Variants in MAP2 observed in about 807,000 individuals in gnomAD.
The protein encoded by MAP2 is microtubule associated protein 2.
In MAP2, 14 loss-of-function variants were observed where a neutral mutation model predicts 137.6. The observed-to-expected ratio is 0.10, with a 90% confidence interval of 0.07 to 0.16. MAP2 has a LOEUF of 0.16. MAP2 is among the 10% of genes least tolerant of loss of function. The probability of loss-of-function intolerance (pLI) is 1.00; values close to 1 mark genes in which losing one functional copy is unlikely to be tolerated. For synonymous variants in MAP2, 786 were observed against 782.3 expected (o/e 1.00, Z -0.08); for missense variants, 2,088 against 2,191.5 (o/e 0.95, Z 0.94).
chr2:209,661,961 G>A (rs1347205142), intron 5 of MAP2, among the ~76,000 whole-genome samples: 1 of 152,154 alleles, frequency 6.6e-6, no homozygotes, highest in African/African-American at 2.4e-5. Flanking sequence ...TCATTGTACA[G>A]CTATAAGGTA....
chr2:209,529,718 A>G (rs1389631391), intron 2 of MAP2, among the ~76,000 whole-genome samples: 2 of 152,184 alleles, frequency 1.3e-5, no homozygotes, highest in African/African-American at 4.8e-5. Flanking sequence ...ATAGAGAAGC[A>G]ATAAATACTT....
intron 3 of MAP2, among the ~76,000 whole-genome samples, chr2:209,603,291 A>G (rs913082572): frequency 6.6e-6 from 1 of 152,100 alleles, no homozygotes; most frequent in Non-Finnish European, 1.5e-5. Context: ...TTTTCTACCT[A>G]CCATGTTTCC....
chr2:209,467,533 T>C (rs1441782270), intron 1 of MAP2, among the ~76,000 whole-genome samples: 1 of 152,198 alleles, frequency 6.6e-6, no homozygotes, highest in Admixed American at 6.5e-5. Flanking sequence ...ATACTCTTTC[T>C]CTTTACATTC....
chr2:209,507,852 A>G (rs2061259277), intron 2 of MAP2, among the ~76,000 whole-genome samples: 2 of 152,182 alleles, frequency 1.3e-5, no homozygotes, highest in African/African-American at 4.8e-5. Context: ...TTGGTTTTTG[A>G]ATGTTGAATT....
intron 2 of MAP2, among the ~76,000 whole-genome samples, chr2:209,549,394 T>A (rs1406401760): frequency 6.6e-6 from 1 of 152,172 alleles, no homozygotes; most frequent in African/African-American, 2.4e-5. Flanking sequence ...CTCTGGTGGC[T>A]CCCACTCTAC....
At chr2:209,653,013 G>T in intron 4 of MAP2, 129 bp from the exon 5 acceptor site, 2 of 612,056 alleles carry the variant, frequency 3.3e-6, no homozygotes, top group Non-Finnish European at 5.5e-6. Flanking sequence ...TTAAACATAG[G>T]TTATTGTACA....
In MAP2 at chr2:209,493,576, T is replaced by G. The variant is rs181427451; in HGVS notation, c.-221-14016T>G. Among the ~76,000 whole-genome samples, 5 of 152,182 alleles carry G rather than the reference T, an allele frequency of 3.3e-5. No individual in the cohort carries two copies. The East Asian group carries it at 9.7e-4, about 29-fold the overall frequency. On this transcript the variant is annotated intron_variant, in intron 1 of 15. Transcript: ENST00000682079. The stretch of plus-strand genomic sequence containing the variant: ...TAATATCCAGAGTCTACAAGGAACT[T>G]AAACAAATTCACAAGAAAAAACAAT...
At chr2:209,608,811 T>A (rs1163904876) in intron 3 of MAP2, among the ~76,000 whole-genome samples, 1 of 152,132 alleles carries the variant, frequency 6.6e-6, no homozygotes, top group Admixed American at 6.5e-5. Flanking sequence ...TATCTCCCAC[T>A]GTTCTCTGTT....
intron 13 of MAP2, among the ~76,000 whole-genome samples, chr2:209,721,340 A>G (rs376415994): frequency 2.6e-4 from 40 of 152,352 alleles, no homozygotes; most frequent in African/African-American, 8.7e-4. Context: ...ATTATAATAT[A>G]AAGCTATTGC....
At chr2:209,544,311 C>T (rs1577714144) in intron 2 of MAP2, among the ~76,000 whole-genome samples, 1 of 151,694 alleles carries the variant, frequency 6.6e-6, no homozygotes, top group East Asian at 1.9e-4. Flanking sequence ...GTCTTCTAGC[C>T]CAGCAACATC....
At chr2:209,437,631 C>T (rs1696671901) in intron 1 of MAP2, among the ~76,000 whole-genome samples, 1 of 151,502 alleles carries the variant, frequency 6.6e-6, no homozygotes, top group African/African-American at 2.4e-5. Flanking sequence ...ACACGATGGA[C>T]AAGAGAGCCC....
intron 1 of MAP2, among the ~76,000 whole-genome samples, chr2:209,479,456 A>T (rs1708199168): frequency 6.6e-6 from 1 of 152,142 alleles, no homozygotes; most frequent in South Asian, 2.1e-4. Flanking sequence ...GATAATAAAG[A>T]TACATTTTTG....
intron 1 of MAP2, among the ~76,000 whole-genome samples, chr2:209,492,232 T>C (rs563949354): frequency 3.3e-5 from 5 of 152,188 alleles, no homozygotes; most frequent in Non-Finnish European, 7.3e-5. Flanking sequence ...TTTGATAAAA[T>C]TCAAAACCCC....
intron 1 of MAP2, among the ~76,000 whole-genome samples, chr2:209,498,245 T>C (rs1406969952): frequency 6.6e-6 from 1 of 152,164 alleles, no homozygotes; most frequent in South Asian, 2.1e-4. Context: ...CAAAATAATA[T>C]CTTTTGACTC....
In MAP2 at chr2:209,567,541, A is replaced by C. The variant is rs1368546966; in HGVS notation, c.-171-12495A>C. On this transcript the variant is annotated intron_variant, in intron 2 of 15. Transcript: ENST00000682079. ...CAGATCTGTTGGCCCAGATTCTTAC[A>C]ATAGCTATTTTTGCATTCCATTTGA... is the stretch of plus-strand genomic sequence containing the variant. 2.0e-5 allele frequency among the ~76,000 whole-genome samples: 3 copies of C among 152,058 alleles called. No individual in the cohort carries two copies. The East Asian group carries it at 5.8e-4, about 29-fold the overall frequency.
intron 4 of MAP2, 38 bp downstream of exon 4, chr2:209,625,167 T>C (rs532758015): frequency 8.6e-4 from 131 of 152,272 alleles, no homozygotes; most frequent in African/African-American, 2.4e-3. Flanking sequence ...TACCTACAAG[T>C]GTGAAAAATA....
intron 2 of MAP2, among the ~76,000 whole-genome samples, chr2:209,573,357 G>C (rs1423572024): frequency 7.2e-6 from 1 of 138,866 alleles, no homozygotes; most frequent in Non-Finnish European, 1.5e-5. Context: ...GCAGTGGCAC[G>C]ATCTCGGCTC....
intron 4 of MAP2, among the ~76,000 whole-genome samples, chr2:209,632,398 G>A (rs1320136354): frequency 6.6e-6 from 1 of 152,014 alleles, no homozygotes; most frequent in Non-Finnish European, 1.5e-5. Context: ...TTTAGAAGAA[G>A]GAATCATGCC....
chr2:209,648,621 CA>C (rs1228232293), intron 4 of MAP2, among the ~76,000 whole-genome samples: 177 of 51,032 alleles, frequency 3.5e-3, no homozygotes, highest in Middle Eastern at 0.026. Flanking sequence ...ACTAAAAATA[CA>C]AAAAAAAAAA....
Sources: gnomAD v4.1 joint callset for allele counts (sites outside exome capture counted in the v4.1 genomes callset) on GRCh38, gnomAD v4.1.1 for gene constraint, MANE v1.5 for transcripts, NCBI Gene and HGNC (gene_info 2026-07-23, HGNC 2026-07-21) for gene names.